GSE1: variants seen among roughly 807,000 people sequenced by gnomAD.
The protein encoded by GSE1 is Gse1 coiled-coil protein, also known as genetic suppressor element 1.
A neutral mutation model predicts 112.6 loss-of-function variants in GSE1; 32 were observed. The observed-to-expected ratio is 0.28, with a 90% CI of 0.21 to 0.38. The LOEUF (loss-of-function observed/expected upper bound fraction) is 0.38, where lower values mean the gene tolerates loss of function less well. Ranked by LOEUF, GSE1 falls within the 10% of genes least tolerant of loss-of-function variation. The pLI is 1.00. For synonymous variants in GSE1, 1,115 were observed against 735.6 expected (o/e 1.52, Z -8.35); for missense variants, 2,348 against 1,699.2 (o/e 1.38, Z -6.71).
chr16:85,645,678 G>A (rs573237947), intron 2 of GSE1, among the ~76,000 whole-genome samples: 55 of 152,336 alleles, frequency 3.6e-4, no homozygotes, highest in Non-Finnish European at 3.4e-4. Flanking sequence ...TGCCCACTCC[G>A]GACACAGTGA....
intron 2 of GSE1, among the ~76,000 whole-genome samples, chr16:85,485,859 G>A (rs2050818143): frequency 6.6e-6 from 1 of 152,200 alleles, no homozygotes. Flanking sequence ...GCTGGGAGCT[G>A]CTGCTCCGGG....
At chr16:85,558,851 A>G (rs1414662837) in intron 1 of GSE1, among the ~76,000 whole-genome samples, 1 of 152,106 alleles carries the variant, frequency 6.6e-6, no homozygotes, top group Non-Finnish European at 1.5e-5. Context: ...TGGAAACGGC[A>G]GTGGCCTGGT....
chr16:85,556,251 T>C, exon 1 of GSE1: 2 of 984,648 alleles, frequency 2.0e-6, no homozygotes, highest in Non-Finnish European at 2.4e-6. Flanking sequence ...AACGGTGCTT[T>C]TTGTTCATTC....
At chr16:85,179,762 A>G (rs1369263608) in intron 1 of GSE1, among the ~76,000 whole-genome samples, 1 of 152,166 alleles carries the variant, frequency 6.6e-6, no homozygotes, top group Non-Finnish European at 1.5e-5. Context: ...GGGGAGCTGT[A>G]CTAAGAATTG....
At chr16:85,409,102 A>T (rs1171213817) in intron 2 of GSE1, among the ~76,000 whole-genome samples, 1 of 534 alleles carries the variant, frequency 1.9e-3, no homozygotes, top group African/African-American at 0.019. Context: ...TCACTGTTAC[A>T]CTCAGGGGCC....
chr16:85,490,638 G>A (rs1408480919), intron 2 of GSE1: 1 of 152,244 alleles, frequency 6.6e-6, no homozygotes, highest in Non-Finnish European at 1.5e-5. Flanking sequence ...CACACCACGA[G>A]TGGATGCTGT....
intron 2 of GSE1, among the ~76,000 whole-genome samples, chr16:85,549,396 T>C (rs2044824214): frequency 6.6e-6 from 1 of 152,164 alleles, no homozygotes; most frequent in African/African-American, 2.4e-5. Flanking sequence ...AGGCTGGTCT[T>C]GGAACTCCTG....
At chr16:85,172,583 G>T (rs1023817039) in intron 1 of GSE1, among the ~76,000 whole-genome samples, 1 of 152,374 alleles carries the variant, frequency 6.6e-6, no homozygotes, top group Admixed American at 6.5e-5. Context: ...AACTGCCCCC[G>T]GTGGGTCTGG....
At chr16:85,343,599 T>C (rs1392631174) in intron 1 of GSE1, among the ~76,000 whole-genome samples, 1 of 151,946 alleles carries the variant, frequency 6.6e-6, no homozygotes, top group Non-Finnish European at 1.5e-5. Flanking sequence ...AAATAAATAA[T>C]TAGCAGGGCA....
intron 2 of GSE1, among the ~76,000 whole-genome samples, chr16:85,427,010 A>C (rs1031173704): frequency 6.6e-6 from 1 of 152,132 alleles, no homozygotes; most frequent in Non-Finnish European, 1.5e-5. Flanking sequence ...CTGCCTAGGA[A>C]ATGGAGCTAT....
At chr16:85,598,007 A>G (rs1024123391) in intron 1 of GSE1, among the ~76,000 whole-genome samples, 2 of 151,986 alleles carry the variant, frequency 1.3e-5, no homozygotes, top group African/African-American at 4.8e-5. Context: ...AGAGTGGAAA[A>G]TGGAACATAA....
At chr16:85,267,240 G>C (rs1172388781) in intron 1 of GSE1, among the ~76,000 whole-genome samples, 3 of 152,190 alleles carry the variant, frequency 2.0e-5, no homozygotes, top group Non-Finnish European at 2.9e-5. Context: ...CTCCCCATCG[G>C]GGTGCCCAGG....
At chr16:85,377,246 G>C (rs1009824321) in intron 2 of GSE1, among the ~76,000 whole-genome samples, 2 of 152,126 alleles carry the variant, frequency 1.3e-5, no homozygotes, top group Non-Finnish European at 2.9e-5. Flanking sequence ...GGTGTGTCAC[G>C]CATCCCACTC....
intron 2 of GSE1, among the ~76,000 whole-genome samples, chr16:85,503,423 G>A (rs369197527): frequency 7.9e-5 from 12 of 152,316 alleles, no homozygotes; most frequent in African/African-American, 2.9e-4. Context: ...TGACCACCTA[G>A]TGAAGGACCT....
intron 1 of GSE1, among the ~76,000 whole-genome samples, chr16:85,349,772 C>T (rs1027272588): frequency 6.6e-6 from 1 of 152,196 alleles, no homozygotes; most frequent in African/African-American, 2.4e-5. Context: ...TGTTCCTTGT[C>T]TCATCTTCCC....
intron 2 of GSE1, among the ~76,000 whole-genome samples, chr16:85,456,583 T>C (rs924191948): frequency 3.9e-4 from 19 of 48,628 alleles, no homozygotes; most frequent in African/African-American, 1.4e-3. Flanking sequence ...TCCTGCCGTG[T>C]GTGTGTGTGT....
chr16:85,408,037 CT>C (rs1178015584), intron 2 of GSE1, among the ~76,000 whole-genome samples: 5 of 48,038 alleles, frequency 1.0e-4, no homozygotes, highest in South Asian at 1.0e-3. Flanking sequence ...CAGGGCCCCC[CT>C]GGATAATCCT....
At chr16:85,389,592 G>A (rs2047789483) in intron 2 of GSE1, among the ~76,000 whole-genome samples, 1 of 152,064 alleles carries the variant, frequency 6.6e-6, no homozygotes, top group Non-Finnish European at 1.5e-5. Context: ...CCGTGGCCAT[G>A]TCTCTGCTTC....
chr16:85,499,048 A>T (rs1377356882), intron 2 of GSE1, among the ~76,000 whole-genome samples: 2 of 152,182 alleles, frequency 1.3e-5, no homozygotes, highest in Non-Finnish European at 2.9e-5. Flanking sequence ...GGCTTTTTCC[A>T]GGAGGAGTTG....
Sources: allele counts gnomAD v4.1 joint callset (sites outside exome capture counted in the v4.1 genomes callset), GRCh38; gene constraint gnomAD v4.1.1; transcripts MANE v1.5; gene names NCBI Gene and HGNC (gene_info 2026-07-23, HGNC 2026-07-21).